CRTC3: variants seen among roughly 807,000 people sequenced by gnomAD.
CRTC3 encodes CREB regulated transcription coactivator 3.
In CRTC3, 26 loss-of-function variants were observed where a neutral mutation model predicts 74.5. The observed-to-expected ratio is 0.35, with a 90% CI of 0.26 to 0.48. The LOEUF is 0.48. Ranked by LOEUF, CRTC3 falls within the 20% of genes least tolerant of loss-of-function variation. The pLI, the probability that CRTC3 is intolerant of heterozygous loss-of-function variation, is 0.99. For synonymous variants in CRTC3, 377 were observed against 325.8 expected (o/e 1.16, Z -1.69); for missense variants, 760 against 787.3 (o/e 0.97, Z 0.41).
At chr15:90,588,134 C>T (rs770014390) in intron 2 of CRTC3, among the ~76,000 whole-genome samples, 1 of 151,884 alleles carries the variant, frequency 6.6e-6, no homozygotes, top group Non-Finnish European at 1.5e-5. Flanking sequence ...GTAGCACATG[C>T]CTGTAATCCT....
At chr15:90,575,212 G>A (rs951283491) in intron 2 of CRTC3, among the ~76,000 whole-genome samples, 9 of 152,136 alleles carry the variant, frequency 5.9e-5, no homozygotes, top group African/African-American at 1.9e-4. Flanking sequence ...TTAGATGGGC[G>A]TTGTGGCAGG....
intron 1 of CRTC3, among the ~76,000 whole-genome samples, chr15:90,536,047 T>G (rs760406676): frequency 2.0e-5 from 3 of 152,242 alleles, no homozygotes; most frequent in Non-Finnish European, 4.4e-5. Flanking sequence ...AAAAGACTTT[T>G]CTTTGCCCAT....
At chr15:90,609,676 G>A (rs1000666478) in intron 6 of CRTC3, among the ~76,000 whole-genome samples, 3 of 152,226 alleles carry the variant, frequency 2.0e-5, no homozygotes, top group African/African-American at 7.2e-5. Flanking sequence ...GAAATTACCT[G>A]AGCTGAAGTA....
Position 90,642,218 on chromosome 15 carries a change from C to T in CRTC3, c.*78C>T. On this transcript the variant is annotated 3_prime_UTR_variant, in exon 15 of 15. Coordinates refer to ENST00000268184, the MANE Select transcript of CRTC3 (RefSeq NM_022769.5). Reference sequence around the variant, plus strand: ...GGAATAGAATGAAGCCAGCTGATACCACGGGCTTTCGTTATCTTGACATAG... The same window carrying T: ...GGAATAGAATGAAGCCAGCTGATACTACGGGCTTTCGTTATCTTGACATAG... 1 of 1,248,474 alleles carries T rather than the reference C, an allele frequency of 8.0e-7. No homozygotes were observed. The highest frequency in any genetic ancestry group is 1.2e-6 in the Non-Finnish European group (1 of 868,300). 77.3% of individuals were successfully genotyped at this position (1,248,474 alleles called of 1,614,324 possible).
Position 90,629,340 on chromosome 15 carries a change from T to C in CRTC3, c.1074T>C (p.Ser358=), listed in dbSNP as rs774595088. The C allele has an allele frequency of 6.8e-6, 11 of 1,614,038 alleles. No homozygotes were observed. Among genetic ancestry groups the C allele is most frequent in the Non-Finnish European group, 9.3e-6 (11 of 1,180,030 alleles). ...CACAGACATCTGTTCCCAACGCATC[T>C]GCTCTTCACCCTTCGCTCCGTCTGT... ...NHPQTSVPNA[S]ALHPSLRLFS... Residue 358 remains serine (S), a synonymous_variant, in exon 11 of 15, where the codon TCT becomes TCC. Coordinates refer to ENST00000268184, the MANE Select transcript of CRTC3 (RefSeq NM_022769.5).
intron 6 of CRTC3, among the ~76,000 whole-genome samples, chr15:90,612,807 T>C (rs28548681): frequency 0.017 from 2,592 of 152,234 alleles, 70 homozygotes; most frequent in African/African-American, 0.059. Flanking sequence ...TGCACCTCAG[T>C]GTTCACCTGT....
rs759179524 is a variant in CRTC3, at chr15:90,642,019, C to T, written c.1739C>T (p.Pro580Leu). Residue 580 changes from proline to leucine, a missense_variant, in exon 15 of 15, where the codon CCA becomes CTA. Pro to Leu is a moderately conservative substitution (Grantham distance 98). Coordinates refer to ENST00000268184, the MANE Select transcript of CRTC3 (RefSeq NM_022769.5). ...EVSLNVDTPF[P>L]LEEELQIEPL... ...AGCCTGAACGTGGACACTCCATTTC[C>T]ACTGGAAGAGGAGCTGCAGATTGAA... 4 of 1,613,950 alleles carry T rather than the reference C, an allele frequency of 2.5e-6. No individual in the cohort carries two copies. Among genetic ancestry groups the T allele is most frequent in the East Asian group, 4.5e-5 (2 of 44,884 alleles).
rs1968501263 is a variant in CRTC3 at position 90,616,641 on chromosome 15, G to A, written c.614-1242G>A. Among the ~76,000 whole-genome samples the A allele has an allele frequency of 2.0e-5, 3 of 152,268 alleles. No homozygotes were observed. In the South Asian group the frequency reaches 6.2e-4, roughly 32 times the overall value. On this transcript the variant is annotated intron_variant, in intron 7 of 14. Transcript: ENST00000268184. ...GTCCCTAACTTGGAATCCCCTTCCT[G>A]ACATCAGATCACTTAACTCCTGAGG...
At chr15:90,532,706 G>A (rs891022465) in intron 1 of CRTC3, among the ~76,000 whole-genome samples, 1 of 152,152 alleles carries the variant, frequency 6.6e-6, no homozygotes, top group Non-Finnish European at 1.5e-5. Flanking sequence ...TTAGAAGTCC[G>A]GCATTATCAG....
At chr15:90,532,252 T>C (rs1966639860) in intron 1 of CRTC3, among the ~76,000 whole-genome samples, 1 of 152,212 alleles carries the variant, frequency 6.6e-6, no homozygotes, top group South Asian at 2.1e-4. Flanking sequence ...TAATGTTTGC[T>C]TATTTAAAAA....
chr15:90,640,402 G>T (rs900981579), intron 13 of CRTC3, among the ~76,000 whole-genome samples: 8 of 152,040 alleles, frequency 5.3e-5, no homozygotes, highest in African/African-American at 1.9e-4. Flanking sequence ...AACCAGGGAA[G>T]AGGCCAGGTG....
intron 5 of CRTC3, 27 bp downstream of exon 5, chr15:90,604,474 T>C: frequency 6.4e-7 from 1 of 1,562,022 alleles, no homozygotes; most frequent in Non-Finnish European, 8.8e-7. Context: ...CTGGTAGGAG[T>C]AGATTTTAAA....
chr15:90,595,705 T>G (rs1596109823), intron 3 of CRTC3: 1 of 152,236 alleles, frequency 6.6e-6, no homozygotes, highest in Non-Finnish European at 1.5e-5. Context: ...TCAGATACTT[T>G]TGAAGTACGG....
intron 2 of CRTC3, among the ~76,000 whole-genome samples, chr15:90,545,724 C>T (rs1183310232): frequency 1.4e-5 from 2 of 146,518 alleles, no homozygotes; most frequent in East Asian, 2.0e-4. Flanking sequence ...CTACAGGCAC[C>T]TGCCACCACG....
intron 10 of CRTC3, among the ~76,000 whole-genome samples, chr15:90,629,019 C>T (rs950531413): frequency 1.3e-5 from 2 of 152,138 alleles, no homozygotes; most frequent in East Asian, 1.9e-4. Context: ...GGGAAAACAT[C>T]GTTGTCATCT....
Position 90,634,056 on chromosome 15 carries a change from T to C in CRTC3, c.1267-4390T>C, listed in dbSNP as rs183005811. 7.3e-4 allele frequency among the ~76,000 whole-genome samples: 111 copies of C among 152,234 alleles called. 1 individual carries two copies. The highest frequency in any genetic ancestry group is 2.6e-3 in the African/African-American group (106 of 41,538). ...TATAATAGAATTTTCCTAAATTGCA[T>C]AAAAGTAGAGAACATAATACAATAA... On this transcript the variant is annotated intron_variant, in intron 11 of 14. Coordinates refer to ENST00000268184, the MANE Select transcript of CRTC3 (RefSeq NM_022769.5).
At chr15:90,603,247 T>C (rs994440242) in intron 4 of CRTC3, among the ~76,000 whole-genome samples, 1 of 150,120 alleles carries the variant, frequency 6.7e-6, no homozygotes, top group Non-Finnish European at 1.5e-5. Flanking sequence ...ATCGAGACCA[T>C]CCTCGCTAAC....
At chr15:90,634,827 G>GA in intron 11 of CRTC3, 1 of 1,523,716 alleles carries the variant, frequency 6.6e-7, no homozygotes, top group Middle Eastern at 1.7e-4. Context: ...TTTGCTTCCA[G>GA]AAAAATCTCA....
chr15:90,557,881 T>G (rs1966927724), intron 2 of CRTC3, among the ~76,000 whole-genome samples: 2 of 152,144 alleles, frequency 1.3e-5, no homozygotes, highest in African/African-American at 4.8e-5. Context: ...GTAACCTGCC[T>G]CGTTTCCCTG....
Sources: allele counts gnomAD v4.1 joint callset (sites outside exome capture counted in the v4.1 genomes callset), GRCh38; gene constraint gnomAD v4.1.1; transcripts MANE v1.5; gene names NCBI Gene and HGNC (gene_info 2026-07-23, HGNC 2026-07-21).